SNPH: variants seen among roughly 807,000 people sequenced by gnomAD.
The protein encoded by SNPH is syntaphilin.
A neutral mutation model predicts 36.8 loss-of-function variants in SNPH; 10 were observed. That is an observed-to-expected ratio of 0.27 (90% CI 0.17 to 0.46). The LOEUF (loss-of-function observed/expected upper bound fraction) is 0.46. Ranked by LOEUF, SNPH falls within the 20% of genes least tolerant of loss-of-function variation. The probability of loss-of-function intolerance (pLI) is 1.00; values close to 1 mark genes in which losing one functional copy is unlikely to be tolerated. For missense variants in SNPH, 622 were observed against 744.0 expected, an observed-to-expected ratio of 0.84 and a Z score of 1.91; for synonymous variants, 281 against 312.2, an observed-to-expected ratio of 0.90 and a Z score of 1.05.
chr20:1,281,122 C>T (rs6078452), intron 2 of SNPH, among the ~76,000 whole-genome samples: 2 of 152,158 alleles, frequency 1.3e-5, no homozygotes, highest in Non-Finnish European at 2.9e-5. Context: ...ACACAGAGGC[C>T]TGGGCGTCAT....
At position 1,304,268 on chromosome 20, in the gene SNPH, C is replaced by G; in HGVS notation, c.441-610C>G. Among the ~76,000 whole-genome samples the G allele has an allele frequency of 6.6e-6, 1 of 152,250 alleles. No individual in the cohort carries two copies. The highest frequency in any genetic ancestry group is 1.9e-4 in the East Asian group (1 of 5,176). On this transcript the variant is annotated intron_variant, in intron 6 of 6. Coordinates refer to ENST00000381867, the MANE Select transcript of SNPH (RefSeq NM_001318234.2). This position sits in a 1 kb window ranked among gnomAD's most constrained non-coding sequence, Gnocchi z 4.3. The stretch of plus-strand genomic sequence containing the variant: ...AGCCACCCTGTTCTTATCACTCTCC[C>G]GTTCCACCCACCACTTCTCATCGCT...
intron 2 of SNPH, among the ~76,000 whole-genome samples, chr20:1,274,017 C>A (rs2088102097): frequency 6.6e-6 from 1 of 152,168 alleles, no homozygotes; most frequent in East Asian, 1.9e-4. Flanking sequence ...AAATAAATAA[C>A]TACCATTTGT....
At chr20:1,282,217 A>G (rs948099274) in intron 2 of SNPH, among the ~76,000 whole-genome samples, 3 of 152,256 alleles carry the variant, frequency 2.0e-5, no homozygotes, top group African/African-American at 7.2e-5. Context: ...TAAATCCATT[A>G]TCAGGGAACC....
At chr20:1,271,706 A>G (rs1197735465) in intron 2 of SNPH, among the ~76,000 whole-genome samples, 1 of 152,254 alleles carries the variant, frequency 6.6e-6, no homozygotes, top group African/African-American at 2.4e-5. Flanking sequence ...AACAAAAGGC[A>G]TGAACAAATG....
chr20:1,303,611 T>C (rs977275610), intron 6 of SNPH, among the ~76,000 whole-genome samples: 2 of 152,206 alleles, frequency 1.3e-5, no homozygotes, highest in African/African-American at 4.8e-5. Context: ...GATGGGTGGA[T>C]GGGCCCCTTC....
rs2088601778 is a variant in SNPH at position 1,307,906 on chromosome 20, G to A, written c.*1852G>A. ...GTGGCCATGCCACGGAGGGGGCAGT[G>A]GACAAAACCAATCCAAAGCCAAGCC... On this transcript the variant is annotated 3_prime_UTR_variant, in exon 7 of 7. Coordinates refer to ENST00000381867, the MANE Select transcript of SNPH (RefSeq NM_001318234.2). 1 of 152,636 alleles carries A rather than the reference G, an allele frequency of 6.6e-6. No homozygotes were observed. The highest frequency in any genetic ancestry group is 1.5e-5 in the Non-Finnish European group (1 of 68,148). 9.5% of individuals were successfully genotyped at this position (152,636 alleles called of 1,614,324 possible). A position where few individuals can be genotyped will look rare whatever the true frequency, so the allele number is the denominator to read the frequency against.
At chr20:1,280,191 A>G (rs951975742) in intron 2 of SNPH, among the ~76,000 whole-genome samples, 2 of 152,196 alleles carry the variant, frequency 1.3e-5, no homozygotes, top group African/African-American at 4.8e-5. Flanking sequence ...TTCTCAGCTC[A>G]TCAGCATCAC....
chr20:1,278,161 T>G (rs1316782754), intron 2 of SNPH, among the ~76,000 whole-genome samples: 1 of 151,294 alleles, frequency 6.6e-6, no homozygotes, highest in Non-Finnish European at 1.5e-5. Context: ...TGTGTGTCTG[T>G]GCCGGTGTGT....
chr20:1,289,519 AC>A (rs1171335081), intron 2 of SNPH, among the ~76,000 whole-genome samples: 1 of 28,380 alleles, frequency 3.5e-5, no homozygotes, highest in Non-Finnish European at 7.6e-5. Context: ...AAATACACAC[AC>A]ACACACACAC....
At position 1,300,703 on chromosome 20, in the gene SNPH, C is replaced by G; in HGVS notation, c.432C>G (p.Leu144=). 6.2e-7 allele frequency: 1 copy of G among 1,611,110 alleles called. No homozygotes were observed. The highest frequency in any genetic ancestry group is 8.5e-7 in the Non-Finnish European group (1 of 1,179,584). The change falls in exon 6 of 7, where the codon CTC becomes CTG. Residue 144 remains leucine, a synonymous_variant. Coordinates refer to ENST00000381867, the MANE Select transcript of SNPH (RefSeq NM_001318234.2). ...GGCTGAAGGACACACAGGACCGGCT[C>G]CAGGACCGGTGAGCGGGTGGCCACG... is the stretch of plus-strand genomic sequence containing the variant. ...KARLKDTQDR[L]QDRDTEIDDL... is the part of the protein sequence containing the mutation.
At chr20:1,282,121 G>T (rs969123575) in intron 2 of SNPH, among the ~76,000 whole-genome samples, 1 of 152,224 alleles carries the variant, frequency 6.6e-6, no homozygotes, top group South Asian at 2.1e-4. Flanking sequence ...CCAGCTAATA[G>T]GTATACATTA....
Position 1,304,477 on chromosome 20 carries a change from A to T in SNPH, c.441-401A>T, listed in dbSNP as rs2088541471. ...TTTCCTGCCTAGTTTTTGTTGTTTC[A>T]CATTAAGATTTTATTAGGTTTTTAT... is the stretch of plus-strand genomic sequence containing the variant. On this transcript the variant is annotated intron_variant, in intron 6 of 6. Coordinates refer to ENST00000381867, the MANE Select transcript of SNPH (RefSeq NM_001318234.2). This position sits in a 1 kb window ranked among gnomAD's most constrained non-coding sequence, Gnocchi z 4.3. Among the ~76,000 whole-genome samples, 1 of 152,070 alleles carries T rather than the reference A, an allele frequency of 6.6e-6. No homozygotes were observed. The highest frequency in any genetic ancestry group is 2.4e-5 in the African/African-American group (1 of 41,372).
rs547511591 is a variant in SNPH at position 1,304,579 on chromosome 20, TGTC to T, written c.441-297_441-295del. On this transcript the variant is annotated intron_variant, in intron 6 of 6. Coordinates refer to ENST00000381867, the MANE Select transcript of SNPH (RefSeq NM_001318234.2). This position sits in a 1 kb window ranked among gnomAD's most constrained non-coding sequence, Gnocchi z 4.3. ...GATGATGGATTTGAATGTTGAGAGT[TGTC>T]GGCATTCTGGGGGTGGTGGGGTGGG... Among the ~76,000 whole-genome samples the T allele has an allele frequency of 5.3e-5, 8 of 150,968 alleles. No individual in the cohort carries two copies. In the South Asian group the frequency reaches 1.7e-3, roughly 32 times the overall value.
chr20:1,267,835 C>G (rs1246203278), intron 2 of SNPH, among the ~76,000 whole-genome samples: 2 of 152,220 alleles, frequency 1.3e-5, no homozygotes, highest in Non-Finnish European at 2.9e-5. Context: ...GTTGACATCC[C>G]TGAGCTGCCA....
intron 2 of SNPH, among the ~76,000 whole-genome samples, chr20:1,270,077 C>T (rs2088054641): frequency 6.6e-6 from 1 of 152,202 alleles, no homozygotes; most frequent in South Asian, 2.1e-4. Flanking sequence ...TCCAAGAGTT[C>T]CCATCCCTCA....
At chr20:1,284,339 C>G (rs1383384108) in intron 2 of SNPH, among the ~76,000 whole-genome samples, 1 of 152,160 alleles carries the variant, frequency 6.6e-6, no homozygotes, top group African/African-American at 2.4e-5. Context: ...CAGTGCACAC[C>G]CCCTTATTCA....
chr20:1,266,782 G>A lies in SNPH; in HGVS notation c.-493+22G>A. ...TCAGGTGAGGAGGCCGCGGCGGAGCGGGGAGCTGGCCCTGCGCTGCACCGC... is the reference window on the plus strand; with the variant it reads ...TCAGGTGAGGAGGCCGCGGCGGAGCAGGGAGCTGGCCCTGCGCTGCACCGC... On this transcript the variant is annotated intron_variant, in intron 2 of 6. Coordinates refer to ENST00000381867, the MANE Select transcript of SNPH (RefSeq NM_001318234.2). This position sits in a 1 kb window ranked among gnomAD's most constrained non-coding sequence, Gnocchi z 6.0. 1 of 1,342,544 alleles carries A rather than the reference G, an allele frequency of 7.4e-7. No individual in the cohort carries two copies. Among genetic ancestry groups the A allele is most frequent in the Admixed American group, 4.1e-5 (1 of 24,106 alleles). 83.2% of individuals were successfully genotyped at this position (1,342,544 alleles called of 1,614,324 possible).
At chr20:1,270,871 G>T (rs1313515614) in intron 2 of SNPH, among the ~76,000 whole-genome samples, 1 of 152,180 alleles carries the variant, frequency 6.6e-6, no homozygotes, top group Non-Finnish European at 1.5e-5. Context: ...GCCTAACGGG[G>T]ATTGCATTTC....
At chr20:1,267,694 G>A (rs1279278181) in intron 2 of SNPH, among the ~76,000 whole-genome samples, 1 of 152,204 alleles carries the variant, frequency 6.6e-6, no homozygotes, top group Admixed American at 6.5e-5. Flanking sequence ...GGACCCCTCT[G>A]CTAAGGCAAT....
Sources: gnomAD v4.1 joint callset for allele counts (sites outside exome capture counted in the v4.1 genomes callset) on GRCh38, gnomAD v4.1.1 for gene constraint, Gnocchi (gnomAD v3.1) non-coding constraint, MANE v1.5 for transcripts, NCBI Gene and HGNC (gene_info 2026-07-23, HGNC 2026-07-21) for gene names.